The following STPG2 variants were observed in gnomAD, a reference collection of about 807,000 sequenced individuals.
STPG2 encodes the protein sperm tail PG-rich repeat containing 2, also known as sperm-tail PG-rich repeat-containing protein 2.
Under a neutral mutation model 54.2 loss-of-function variants are expected in STPG2, and 56 were observed. The ratio of observed to expected loss-of-function variants is 1.03; its 90% CI spans 0.83 to 1.29. The LOEUF (loss-of-function observed/expected upper bound fraction) is 1.29. Ranked by LOEUF, STPG2 falls within the 50% of genes most tolerant of loss-of-function variation. The pLI, the probability that STPG2 is intolerant of heterozygous loss-of-function variation, is 0.00. For missense variants in STPG2, 596 were observed against 544.9 expected (o/e 1.09, Z -0.93); for synonymous variants, 200 against 181.8 (o/e 1.10, Z -0.81).
chr4:97,981,310 T>C lies in STPG2; in HGVS notation c.621A>G (p.Leu207=), dbSNP rs1290855344. ...GAGCCGGGGTGATTGATTTCATAGGTAAAAATCTCTAGTGAAGAACAGGAA... is the reference window on the plus strand; with the variant it reads ...GAGCCGGGGTGATTGATTTCATAGGCAAAAATCTCTAGTGAAGAACAGGAA... ...IVLQEKKKRF[L]PMKSITPAPG... Residue 207 remains leucine, a synonymous_variant, in exon 6 of 11, where the codon TTA becomes TTG. Transcript: ENST00000295268. 6.2e-7 allele frequency: 1 copy of C among 1,613,486 alleles called. No homozygotes were observed. Among genetic ancestry groups the C allele is most frequent in the Non-Finnish European group, 8.5e-7 (1 of 1,179,840 alleles).
At chr4:97,880,028 G>C (rs956622421) in intron 8 of STPG2, among the ~76,000 whole-genome samples, 1 of 152,116 alleles carries the variant, frequency 6.6e-6, no homozygotes, top group Non-Finnish European at 1.5e-5. Context: ...ATTCACAATA[G>C]CTAAATTATG....
intron 7 of STPG2, among the ~76,000 whole-genome samples, chr4:97,957,614 T>C (rs1448748749): frequency 2.0e-5 from 3 of 152,184 alleles, no homozygotes; most frequent in East Asian, 1.9e-4. Flanking sequence ...AGGGAAAATG[T>C]TATCAGGTTA....
At chr4:97,455,956 C>T (rs540616407) in intron 4 of STPG2, among the ~76,000 whole-genome samples, 135 of 152,074 alleles carry the variant, frequency 8.9e-4, no homozygotes, top group Non-Finnish European at 1.6e-3. Context: ...GCACACCCCG[C>T]GAGGGGAACA....
intron 9 of STPG2, among the ~76,000 whole-genome samples, chr4:97,770,707 G>T (rs959869547): frequency 6.6e-6 from 1 of 152,184 alleles, no homozygotes; most frequent in Non-Finnish European, 1.5e-5. Context: ...TTTGAAGATA[G>T]ATTCCACAGC....
At chr4:97,692,770 A>AG (rs1723414584) in intron 10 of STPG2, among the ~76,000 whole-genome samples, 1 of 152,170 alleles carries the variant, frequency 6.6e-6, no homozygotes, top group Non-Finnish European at 1.5e-5. Context: ...TCAAAACAAA[A>AG]GTAAAAATTT....
chr4:97,931,866 G>A (rs1326924153), intron 8 of STPG2, among the ~76,000 whole-genome samples: 3 of 151,852 alleles, frequency 2.0e-5, no homozygotes, highest in Non-Finnish European at 4.4e-5. Flanking sequence ...GAATCCATCA[G>A]GTCTTGGTCT....
chr4:97,839,968 T>C (rs1432671209), intron 9 of STPG2, among the ~76,000 whole-genome samples: 1 of 151,688 alleles, frequency 6.6e-6, no homozygotes, highest in Non-Finnish European at 1.5e-5. Context: ...AAAATGATTG[T>C]TCCTGTTCTC....
At chr4:97,828,760 T>C (rs1402334689) in intron 9 of STPG2, among the ~76,000 whole-genome samples, 2 of 152,208 alleles carry the variant, frequency 1.3e-5, no homozygotes, top group Admixed American at 1.3e-4. Flanking sequence ...ATCCTCACAG[T>C]GTAAACGAAG....
At chr4:97,911,864 C>T (rs1167867625) in intron 8 of STPG2, among the ~76,000 whole-genome samples, 1 of 152,094 alleles carries the variant, frequency 6.6e-6, no homozygotes, top group Non-Finnish European at 1.5e-5. Context: ...AAGCAGGTCC[C>T]TAATCCCGTT....
intron 7 of STPG2, among the ~76,000 whole-genome samples, chr4:97,948,880 A>G (rs1733353451): frequency 6.6e-6 from 1 of 152,070 alleles, no homozygotes; most frequent in East Asian, 1.9e-4. Flanking sequence ...AGAAGAATGT[A>G]TATTCTGAAA....
At chr4:97,547,428 T>C (rs1196707375) in intron 4 of STPG2, among the ~76,000 whole-genome samples, 2 of 152,174 alleles carry the variant, frequency 1.3e-5, no homozygotes, top group Non-Finnish European at 2.9e-5. Context: ...GCCAGGATGG[T>C]CTCAATCTCC....
chr4:98,063,608 T>C (rs550259999), intron 5 of STPG2, among the ~76,000 whole-genome samples: 9 of 152,190 alleles, frequency 5.9e-5, no homozygotes, highest in East Asian at 1.9e-4. Context: ...GTTAAGATGT[T>C]TAAAGCAGGA....
chr4:98,115,419 T>A (rs1338992462), intron 3 of STPG2, among the ~76,000 whole-genome samples: 5 of 151,998 alleles, frequency 3.3e-5, no homozygotes, highest in African/African-American at 1.2e-4. Context: ...GAAGCTAAAC[T>A]TTATCATTCA....
intron 8 of STPG2, among the ~76,000 whole-genome samples, chr4:97,934,813 T>C (rs1732689464): frequency 6.6e-6 from 1 of 152,066 alleles, no homozygotes. Flanking sequence ...TGGCCTGAAG[T>C]TTTTTTGTTT....
chr4:97,850,366 A>G (rs1578620486), intron 8 of STPG2, among the ~76,000 whole-genome samples: 1 of 151,350 alleles, frequency 6.6e-6, no homozygotes, highest in Admixed American at 6.6e-5. Flanking sequence ...AAGAGCAAAA[A>G]AAGAAAAAAG....
intron 9 of STPG2, among the ~76,000 whole-genome samples, chr4:97,746,516 T>A (rs1346054171): frequency 6.6e-6 from 1 of 151,262 alleles, no homozygotes. Context: ...GAGAAGTAGC[T>A]TTAATTCAGT....
intron 10 of STPG2, among the ~76,000 whole-genome samples, chr4:97,654,581 CAT>C (rs768863788): frequency 2.3e-4 from 35 of 152,060 alleles, no homozygotes; most frequent in Non-Finnish European, 4.6e-4. Flanking sequence ...GTACTAACCA[CAT>C]GTTTGTTCAC....
In STPG2 at chr4:97,724,421, A is replaced by T. The variant is rs1190306204; in HGVS notation, c.1205-11607T>A. ...CACTATCTATGTCTATTATTAGTTT[A>T]AAAATTCTCTTTATGAAATTGTTTT... On this transcript the variant is annotated intron_variant, in intron 9 of 10. Coordinates refer to ENST00000295268, the MANE Select transcript of STPG2 (RefSeq NM_174952.3). Among the ~76,000 whole-genome samples the T allele has an allele frequency of 5.9e-5, 9 of 152,172 alleles. No homozygotes were observed. The East Asian group carries it at 1.7e-3, about 29-fold the overall frequency.
intron 4 of STPG2, among the ~76,000 whole-genome samples, chr4:97,538,327 G>A (rs111476204): frequency 0.045 from 6,915 of 152,140 alleles, 424 homozygotes; most frequent in African/African-American, 0.14. Flanking sequence ...GAGAACAACC[G>A]ATGCAGAGAA....
Sources: gnomAD v4.1 joint callset for allele counts (sites outside exome capture counted in the v4.1 genomes callset) on GRCh38, gnomAD v4.1.1 for gene constraint, MANE v1.5 for transcripts, NCBI Gene and HGNC (gene_info 2026-07-23, HGNC 2026-07-21) for gene names.